The following NLRP1 variants were observed in gnomAD, a reference collection of about 807,000 sequenced individuals.
NLRP1 encodes NLR family pyrin domain containing 1.
Under a neutral mutation model 136.7 loss-of-function variants are expected in NLRP1, and 94 were observed. The ratio of observed to expected loss-of-function variants is 0.69; its 90% confidence interval spans 0.58 to 0.82. The LOEUF is 0.82. Ranked by LOEUF, NLRP1 falls within the 40% of genes least tolerant of loss-of-function variation. The pLI, the probability that NLRP1 is intolerant of heterozygous loss-of-function variation, is 0.00. For synonymous variants in NLRP1, 690 were observed against 725.1 expected (o/e 0.95, Z 0.78); for missense variants, 1,575 against 1,802.7 (o/e 0.87, Z 2.29).
At chr17:5,510,707 C>T (rs894182561), downstream of NLRP1, among the ~76,000 whole-genome samples, 2 of 151,902 alleles carry the variant, frequency 1.3e-5, no homozygotes, top group African/African-American at 4.8e-5. Context: ...GAGACGGGGT[C>T]TTGCTATGTT....
intron 5 of NLRP1, among the ~76,000 whole-genome samples, chr17:5,542,757 CCT>C (rs1367220710): frequency 3.5e-5 from 4 of 115,126 alleles, no homozygotes; most frequent in South Asian, 3.2e-4. Context: ...TCCTTCCTTT[CCT>C]CTTTCTCCTT....
At chr17:5,522,592 T>C (rs985902476) in intron 12 of NLRP1, among the ~76,000 whole-genome samples, 1 of 152,172 alleles carries the variant, frequency 6.6e-6, no homozygotes, top group Admixed American at 6.5e-5. Flanking sequence ...ACACCCAGCA[T>C]GGGGAAGAGG....
At chr17:5,552,590 G>A (rs1245334384) in intron 5 of NLRP1, among the ~76,000 whole-genome samples, 1 of 152,022 alleles carries the variant, frequency 6.6e-6, no homozygotes, top group Non-Finnish European at 1.5e-5. Context: ...AGTTGCTTTG[G>A]TCAGAAACCT....
At chr17:5,563,697 A>T (rs1048082366) in intron 3 of NLRP1, among the ~76,000 whole-genome samples, 4 of 152,240 alleles carry the variant, frequency 2.6e-5, no homozygotes, top group Non-Finnish European at 4.4e-5. Context: ...TGGAAAACGT[A>T]TTTGAAGATA....
downstream of NLRP1, chr17:5,511,945 G>T: frequency 4.8e-6 from 2 of 420,386 alleles, no homozygotes; most frequent in East Asian, 5.9e-5. Context: ...TTACAGTATA[G>T]TCCTGGCTAC....
chr17:5,558,287 G>C, intron 4 of NLRP1, 52 bp downstream of exon 4: 1 of 1,535,802 alleles, frequency 6.5e-7, no homozygotes, highest in South Asian at 1.3e-5. Context: ...CAGGTCACTC[G>C]GGCTTATGGA....
At chr17:5,577,746 T>C (rs1225043223) in intron 3 of NLRP1, among the ~76,000 whole-genome samples, 1 of 152,126 alleles carries the variant, frequency 6.6e-6, no homozygotes, top group African/African-American at 2.4e-5. Context: ...CTTCACAGAA[T>C]TGGAAAAAAC....
intron 12 of NLRP1, among the ~76,000 whole-genome samples, chr17:5,523,880 GA>G (rs1175975851): frequency 6.6e-6 from 1 of 152,200 alleles, no homozygotes; most frequent in Admixed American, 6.5e-5. Context: ...CTGAAAAAAT[GA>G]GGAAGAATTC....
chr17:5,511,206 G>A (rs370563992), downstream of NLRP1, among the ~76,000 whole-genome samples: 20 of 152,124 alleles, frequency 1.3e-4, no homozygotes, highest in East Asian at 1.2e-3. Flanking sequence ...CGAGGCGGGC[G>A]GATCACTTGA....
intron 13 of NLRP1, 107 bp downstream of exon 13, chr17:5,521,417 A>T: frequency 8.6e-7 from 1 of 1,166,004 alleles, no homozygotes; most frequent in South Asian, 1.4e-5. Context: ...CCTGTACAAG[A>T]GGCCCATCCT....
downstream of NLRP1, among the ~76,000 whole-genome samples, chr17:5,511,419 C>CGACAGAG (rs1267707895): frequency 1.4e-5 from 2 of 143,842 alleles, no homozygotes; most frequent in African/African-American, 5.2e-5. Flanking sequence ...CCAGCCTGGG[C>CGACAGAG]GACAGAGCGA....
At position 5,537,020 on chromosome 17, in the gene NLRP1, C is replaced by G. The variant is rs1911167246; in HGVS notation, c.2871-80G>C. The G allele has an allele frequency of 1.0e-6, 1 of 988,076 alleles. No individual in the cohort carries two copies. Among genetic ancestry groups the G allele is most frequent in the Non-Finnish European group, 1.6e-6 (1 of 619,352 alleles). 61.2% of individuals were successfully genotyped at this position (988,076 alleles called of 1,614,324 possible). A position where few individuals can be genotyped will look rare whatever the true frequency, so the allele number is the denominator to read the frequency against. ...TCCCCAGGGCCCAGAATCCTGGGAC[C>G]TGTCACCTTCTGAGGCAGCGGCCGC... On this transcript the variant is annotated intron_variant, in intron 7 of 16. Transcript: ENST00000572272. The surrounding 1 kb of genome is among the most constrained non-coding windows in gnomAD (Gnocchi z 4.5).
At position 5,530,711 on chromosome 17, in the gene NLRP1, A is replaced by T. The variant is rs184186945; in HGVS notation, c.3297-7T>A. On this transcript the variant is annotated splice_polypyrimidine_tract_variant and splice_region_variant and intron_variant, in intron 11 of 16. Coordinates refer to ENST00000572272, the MANE Select transcript of NLRP1 (RefSeq NM_033004.4). ...AGCTACAGGGAAGTGAACTCTGGGA[A>T]GAAGAGGGAGAGGCAGACACTTACT... 3.7e-5 allele frequency: 60 copies of T among 1,609,562 alleles called. No homozygotes were observed. Among genetic ancestry groups the T allele is most frequent in the Non-Finnish European group, 4.8e-5 (57 of 1,176,612 alleles).
At chr17:5,548,286 A>C (rs1912920400) in intron 5 of NLRP1, among the ~76,000 whole-genome samples, 1 of 152,210 alleles carries the variant, frequency 6.6e-6, no homozygotes, top group African/African-American at 2.4e-5. Flanking sequence ...TCAGCTTCTC[A>C]GAGTGAAACC....
chr17:5,546,098 A>G (rs1429310433), intron 5 of NLRP1, among the ~76,000 whole-genome samples: 1 of 152,218 alleles, frequency 6.6e-6, no homozygotes, highest in Non-Finnish European at 1.5e-5. Flanking sequence ...GGGCAGGTGA[A>G]GGGCACAGGC....
At position 5,532,899 on chromosome 17, in the gene NLRP1, C is replaced by A; in HGVS notation, c.3219G>T (p.Leu1073Phe). The change falls in exon 11 of 17, where the codon TTG becomes TTT. Residue 1073 changes from leucine to phenylalanine, a missense_variant. Coordinates refer to ENST00000572272, the MANE Select transcript of NLRP1 (RefSeq NM_033004.4). ...ASQGDLHTKP[L>F]GTDDDFWGPT... ...GGCCCCAGAAGTCATCGTCAGTCCC[C>A]AAAGGCTTCGTATGCAGGTCCCCTT... is the stretch of plus-strand genomic sequence containing the variant. 1 of 1,614,084 alleles carries A rather than the reference C, an allele frequency of 6.2e-7. No homozygotes were observed. The highest frequency in any genetic ancestry group is 1.1e-5 in the South Asian group (1 of 91,066).
intron 16 of NLRP1, 89 bp from the exon 17 acceptor site, chr17:5,515,162 G>A: frequency 1.7e-6 from 2 of 1,205,620 alleles, no homozygotes; most frequent in South Asian, 1.4e-5. Flanking sequence ...TGCATCCCTC[G>A]CTTCCTTCTG....
At position 5,553,413 on chromosome 17, in the gene NLRP1, C is replaced by T. The variant is rs757124919; in HGVS notation, c.2501G>A (p.Arg834His). The change falls in exon 5 of 17, where the codon CGC (arginine) becomes CAC (histidine). Residue 834 changes from arginine (R) to histidine (H), a missense_variant. Physicochemically the swap from Arg to His is conservative, Grantham distance 29. Transcript: ENST00000572272. ...CAGGGTCTCCAGGAGGCAGCGAGGG[C>T]GTCTCAGGGTCTTACAAAGACTCTT... ...AVKSLCKTLRRPRCLLETLRL... is the reference protein window; with the variant it reads ...AVKSLCKTLRHPRCLLETLRL... 6.8e-6 allele frequency: 11 copies of T among 1,613,462 alleles called. No individual in the cohort carries two copies. Among genetic ancestry groups the T allele is most frequent in the African/African-American group, 5.3e-5 (4 of 74,904 alleles).
intron 14 of NLRP1, 68 bp from the exon 15 acceptor site, chr17:5,517,955 C>A (rs1460958924): frequency 1.3e-6 from 2 of 1,515,268 alleles, no homozygotes; most frequent in Non-Finnish European, 1.8e-6. Context: ...CCACCTGACA[C>A]CTTCTTGGCC....
Sources: allele counts gnomAD v4.1 joint callset (sites outside exome capture counted in the v4.1 genomes callset), GRCh38; gene constraint gnomAD v4.1.1; non-coding constraint Gnocchi (gnomAD v3.1); transcripts MANE v1.5; gene names NCBI Gene and HGNC (gene_info 2026-07-23, HGNC 2026-07-21).